CPEB3: variants seen among roughly 807,000 people sequenced by gnomAD.
CPEB3 encodes cytoplasmic polyadenylation element-binding protein 3.
CPEB3 carries 20 observed loss-of-function variants against 67.2 expected under a neutral mutation model. The ratio of observed to expected loss-of-function variants is 0.30; its 90% CI spans 0.21 to 0.43. The LOEUF is 0.43. Among genes scored for constraint, CPEB3 ranks in the 20% least tolerant of loss-of-function variants. The probability of loss-of-function intolerance (pLI) is 1.00; values close to 1 mark genes in which losing one functional copy is unlikely to be tolerated. For synonymous variants in CPEB3, 376 were observed against 393.1 expected, an observed-to-expected ratio of 0.96 and a Z score of 0.51; for missense variants, 746 against 968.6, an observed-to-expected ratio of 0.77 and a Z score of 3.05.
chr10:92,268,341 C>G (rs562364200), intron 1 of CPEB3, among the ~76,000 whole-genome samples: 12 of 152,070 alleles, frequency 7.9e-5, no homozygotes, highest in African/African-American at 2.9e-4. Context: ...TAAAATGTTC[C>G]TCTAGTCTGG....
rs571216023 is a variant in CPEB3, at chr10:92,216,433, C to G, written c.1005+22913G>C. 145 of 1,612,394 alleles carry G rather than the reference C, an allele frequency of 9.0e-5. No individual in the cohort carries two copies. In the African/African-American group the frequency reaches 9.9e-4, roughly 11 times the overall value. ...AGCTGCTGGTCAACCAGAACCCCAT[C>G]GCGCAGCTCCTGGCTTCTCGCCGCC... is the stretch of plus-strand genomic sequence containing the variant. On this transcript the variant is annotated intron_variant, in intron 2 of 9. Coordinates refer to ENST00000265997, the MANE Select transcript of CPEB3 (RefSeq NM_014912.5).
At chr10:92,148,236 C>T (rs1489842380) in intron 4 of CPEB3, among the ~76,000 whole-genome samples, 2 of 152,124 alleles carry the variant, frequency 1.3e-5, no homozygotes, top group Non-Finnish European at 2.9e-5. Context: ...GTCACAGTTG[C>T]TGCCTCTCCT....
At chr10:92,195,328 GT>G (rs1849191868) in intron 2 of CPEB3, among the ~76,000 whole-genome samples, 1 of 152,098 alleles carries the variant, frequency 6.6e-6, no homozygotes, top group Non-Finnish European at 1.5e-5. Flanking sequence ...ATTTTCTTTG[GT>G]TGTCTACTTT....
In CPEB3 at chr10:92,240,163, G is replaced by T; in HGVS notation, c.188C>A (p.Pro63Gln). The stretch of plus-strand genomic sequence containing the variant: ...CATCTTGTCCGGGCCGTTGGGGGCC[G>T]GGGGGGCAGCGGCTGGGCTGAGGGC... ...VPALSPAAAP[P>Q]APNGPDKMQM... Residue 63 changes from proline to glutamine, a missense_variant, in exon 2 of 10, where the codon CCG (proline) becomes CAG (glutamine). Transcript: ENST00000265997. 6.5e-7 allele frequency: 1 copy of T among 1,538,552 alleles called. No individual in the cohort carries two copies. Among genetic ancestry groups the T allele is most frequent in the East Asian group, 2.4e-5 (1 of 41,716 alleles).
intron 1 of CPEB3, among the ~76,000 whole-genome samples, chr10:92,253,758 G>A (rs1391246318): frequency 2.0e-5 from 3 of 151,830 alleles, no homozygotes; most frequent in Admixed American, 1.3e-4. Context: ...ATTTATTAAA[G>A]TTTACAAAAC....
intron 1 of CPEB3, among the ~76,000 whole-genome samples, chr10:92,242,255 C>A (rs1423738276): frequency 1.3e-5 from 2 of 152,184 alleles, no homozygotes; most frequent in African/African-American, 4.8e-5. Context: ...CTTCAACCCC[C>A]CCAGGGAAAA....
rs1283201192 is a variant in CPEB3 at position 92,240,195 on chromosome 10, T to A, written c.156A>T (p.Ala52=). The A allele has an allele frequency of 6.6e-6, 10 of 1,519,130 alleles. No individual in the cohort carries two copies. In the South Asian group the frequency reaches 1.3e-4, roughly 19 times the overall value. The allele number at this position is 1,519,130 out of a possible 1,614,324, so 94.1% of individuals were successfully genotyped here. A position where few individuals can be genotyped will look rare whatever the true frequency, so the allele number is the denominator to read the frequency against. The change falls in exon 2 of 10, where the codon GCA becomes GCT. Residue 52 remains alanine, a synonymous_variant. Coordinates refer to ENST00000265997, the MANE Select transcript of CPEB3 (RefSeq NM_014912.5). ...SETPKPEENS[A]VPALSPAAAP... ...CAGCGGCTGGGCTGAGGGCCGGCAC[T>A]GCGCTGTTTTCCTCCGGCTTGGGGG...
intron 4 of CPEB3, among the ~76,000 whole-genome samples, chr10:92,154,155 T>C (rs1847097292): frequency 1.3e-5 from 2 of 152,236 alleles, no homozygotes; most frequent in African/African-American, 4.8e-5. Context: ...TAAATGACAC[T>C]ACCTGGTAGA....
At chr10:92,265,851 G>C (rs10882042) in intron 1 of CPEB3, among the ~76,000 whole-genome samples, 102,917 of 150,876 alleles carry the variant, frequency 0.68, 36,902 homozygotes, top group African/African-American at 0.91. Context: ...TCCTCCAAAA[G>C]TCATTTTGAA....
rs531847578 is a variant in CPEB3 at position 92,051,231 on chromosome 10, T to A, written c.*981A>T. 6 of 152,754 alleles carry A rather than the reference T, an allele frequency of 3.9e-5. No homozygotes were observed. The highest frequency in any genetic ancestry group is 7.4e-5 in the Non-Finnish European group (5 of 68,024). 9.5% of individuals were successfully genotyped at this position (152,754 alleles called of 1,614,324 possible). A position where few individuals can be genotyped will look rare whatever the true frequency, so the allele number is the denominator to read the frequency against. On this transcript the variant is annotated 3_prime_UTR_variant, in exon 10 of 10. Coordinates refer to ENST00000265997, the MANE Select transcript of CPEB3 (RefSeq NM_014912.5). ...TTCTTTGAATGAAAAAAACTTTTTT[T>A]AAAAAATGAGTATTTTTATAGCTTA...
At chr10:92,211,818 T>G (rs1158819286) in intron 2 of CPEB3, among the ~76,000 whole-genome samples, 1 of 151,806 alleles carries the variant, frequency 6.6e-6, no homozygotes, top group Non-Finnish European at 1.5e-5. Context: ...GCTAGAATTA[T>G]GGGCATGAGC....
At chr10:92,174,627 C>G (rs1188361249) in intron 4 of CPEB3, among the ~76,000 whole-genome samples, 1 of 152,044 alleles carries the variant, frequency 6.6e-6, no homozygotes, top group African/African-American at 2.4e-5. Flanking sequence ...CTTCAAACTA[C>G]TTAGGTTTTA....
At position 92,249,610 on chromosome 10, in the gene CPEB3, T is replaced by C. The variant is rs1443267656; in HGVS notation, c.-11-9249A>G. On this transcript the variant is annotated intron_variant, in intron 1 of 9. Coordinates refer to ENST00000265997, the MANE Select transcript of CPEB3 (RefSeq NM_014912.5). ...TTGCAGTGAGCTGAGATCACACCAT[T>C]GCACTCCAGCCTGGGCAACAGAGTG... Among the ~76,000 whole-genome samples the C allele has an allele frequency of 3.3e-5, 5 of 151,132 alleles. No individual in the cohort carries two copies. In the East Asian group the frequency reaches 9.7e-4, roughly 29 times the overall value.
Position 92,047,276 on chromosome 10 carries a change from C to A in CPEB3, c.*4936G>T, listed in dbSNP as rs961584311. On this transcript the variant is annotated 3_prime_UTR_variant, in exon 10 of 10. Coordinates refer to ENST00000265997, the MANE Select transcript of CPEB3 (RefSeq NM_014912.5). ...GGTTATTATAAAAGAAAAAAAAAAA[C>A]AAATGTTAGCTGACATACCATACAA... is the stretch of plus-strand genomic sequence containing the variant. The A allele has an allele frequency of 4.2e-5, 6 of 144,562 alleles. No homozygotes were observed. Among genetic ancestry groups the A allele is most frequent in the Admixed American group, 2.1e-4 (3 of 14,338 alleles). The allele number at this position is 144,562 out of a possible 1,614,324, so 9.0% of individuals were successfully genotyped here.
chr10:92,080,075 C>T (rs939571195), intron 9 of CPEB3, among the ~76,000 whole-genome samples: 3 of 151,684 alleles, frequency 2.0e-5, no homozygotes, highest in East Asian at 1.9e-4. Flanking sequence ...GGCATCATGG[C>T]GGGCGTCTGT....
chr10:92,281,310 G>C (rs1020064920), intron 1 of CPEB3, among the ~76,000 whole-genome samples: 2 of 151,456 alleles, frequency 1.3e-5, no homozygotes, highest in Non-Finnish European at 2.9e-5. Flanking sequence ...GCCCAGGCTG[G>C]TTTTGAACTC....
In CPEB3 at chr10:92,289,755, A is replaced by G. The variant is rs1295630711; in HGVS notation, c.-12+1171T>C. On this transcript the variant is annotated intron_variant, in intron 1 of 9. Coordinates refer to ENST00000265997, the MANE Select transcript of CPEB3 (RefSeq NM_014912.5). ...AAAATATATATATATATATATATAT[A>G]TATGTATTATATATTATAAATGTAT... Among the ~76,000 whole-genome samples, 4 of 130,846 alleles carry G rather than the reference A, an allele frequency of 3.1e-5. No homozygotes were observed. In the Admixed American group the frequency reaches 3.3e-4, roughly 11 times the overall value. The allele number at this position is 130,846 out of a possible 152,430, so 85.8% of individuals were successfully genotyped here.
chr10:92,205,974 A>T (rs190240257), intron 2 of CPEB3, among the ~76,000 whole-genome samples: 1 of 152,140 alleles, frequency 6.6e-6, no homozygotes, highest in South Asian at 2.1e-4. Context: ...AATATTTGGT[A>T]TTTAGAAGGT....
intron 9 of CPEB3, among the ~76,000 whole-genome samples, chr10:92,066,906 G>A (rs568305891): frequency 1.9e-4 from 29 of 151,672 alleles, no homozygotes; most frequent in African/African-American, 6.5e-4. Flanking sequence ...AACATTAGCC[G>A]GGCATGATGG....
Sources: allele counts gnomAD v4.1 joint callset (sites outside exome capture counted in the v4.1 genomes callset), GRCh38; gene constraint gnomAD v4.1.1; transcripts MANE v1.5; gene names NCBI Gene and HGNC (gene_info 2026-07-23, HGNC 2026-07-21).